KLF7: variants seen among roughly 807,000 people sequenced by gnomAD.
The protein encoded by KLF7 is KLF transcription factor 7.
KLF7 carries 2 observed loss-of-function variants against 27.3 expected under a neutral mutation model. That is an observed-to-expected ratio of 0.07 (90% CI 0.03 to 0.23). The LOEUF is 0.23. Among genes scored for constraint, KLF7 ranks in the 10% least tolerant of loss-of-function variants. The pLI is 1.00. For missense variants in KLF7, 221 were observed against 394.1 expected (o/e 0.56, Z 3.72); for synonymous variants, 165 against 162.4 (o/e 1.02, Z -0.12).
chr2:207,123,171 C>T (rs1323343207), intron 2 of KLF7, among the ~76,000 whole-genome samples: 1 of 152,066 alleles, frequency 6.6e-6, no homozygotes, highest in Non-Finnish European at 1.5e-5. Context: ...ATCACTTTAG[C>T]AACTTCTCAG....
At chr2:207,154,842 A>G (rs1401192087) in intron 1 of KLF7, among the ~76,000 whole-genome samples, 1 of 152,170 alleles carries the variant, frequency 6.6e-6, no homozygotes, top group African/African-American at 2.4e-5. Context: ...CAAATCCTTC[A>G]TGTAATTTGT....
rs530382438 is a variant in KLF7 at position 207,097,670 on chromosome 2, T to C, written c.734-9089A>G. ...AGTGTTAGATTCTTGGTGAATTTGT[T>C]TGAAATGTTGGAGGAAGACTGTGTT... On this transcript the variant is annotated intron_variant, in intron 2 of 3. Transcript: ENST00000309446. Among the ~76,000 whole-genome samples, 8 of 152,322 alleles carry C rather than the reference T, an allele frequency of 5.3e-5. No homozygotes were observed. In the South Asian group the frequency reaches 1.0e-3, roughly 20 times the overall value.
chr2:207,142,360 T>C (rs1420656078), intron 1 of KLF7, among the ~76,000 whole-genome samples: 1 of 152,218 alleles, frequency 6.6e-6, no homozygotes, highest in Non-Finnish European at 1.5e-5. Context: ...GTCTGTTATC[T>C]TGTACTTCTT....
chr2:207,126,583 G>A (rs1466928389), intron 1 of KLF7, among the ~76,000 whole-genome samples: 2 of 152,178 alleles, frequency 1.3e-5, no homozygotes, highest in East Asian at 1.9e-4. Flanking sequence ...TTGAGACACA[G>A]ATATGTTTTA....
intron 1 of KLF7, among the ~76,000 whole-genome samples, chr2:207,143,329 G>A (rs573896486): frequency 7.3e-5 from 11 of 149,772 alleles, no homozygotes; most frequent in African/African-American, 2.7e-4. Flanking sequence ...ATCTTCACAC[G>A]TAAAGTTTAA....
chr2:207,156,289 T>A (rs559509189), intron 1 of KLF7, among the ~76,000 whole-genome samples: 1 of 152,336 alleles, frequency 6.6e-6, no homozygotes, highest in East Asian at 1.9e-4. Context: ...CTTCTATGGG[T>A]GTGAAGGCAG....
chr2:207,099,439 A>T (rs1345995186), intron 2 of KLF7, among the ~76,000 whole-genome samples: 3 of 151,628 alleles, frequency 2.0e-5, no homozygotes, highest in Non-Finnish European at 4.4e-5. Flanking sequence ...ACAATGTCTA[A>T]TTTACTTTCC....
At chr2:207,124,504 G>A (rs775178104) in intron 1 of KLF7, 100 bp from the exon 2 acceptor site, 88 of 1,202,006 alleles carry the variant, frequency 7.3e-5, no homozygotes, top group Non-Finnish European at 9.5e-5. Context: ...AGAGAGAATG[G>A]TGTCATGGCT....
chr2:207,092,757 G>A (rs1460247550), intron 2 of KLF7, among the ~76,000 whole-genome samples: 1 of 152,154 alleles, frequency 6.6e-6, no homozygotes, highest in African/African-American at 2.4e-5. Context: ...AATACTTTTT[G>A]AGCATGCATC....
intron 1 of KLF7, among the ~76,000 whole-genome samples, chr2:207,149,871 T>A (rs1323078175): frequency 6.6e-6 from 1 of 152,206 alleles, no homozygotes; most frequent in African/African-American, 2.4e-5. Flanking sequence ...CTGACCCCAG[T>A]GTGCCATAAA....
intron 1 of KLF7, among the ~76,000 whole-genome samples, chr2:207,131,326 C>T (rs1233705188): frequency 6.6e-6 from 1 of 152,218 alleles, no homozygotes; most frequent in Non-Finnish European, 1.5e-5. Flanking sequence ...GTTTTTGTCA[C>T]ATGCTATTAA....
chr2:207,109,894 C>G (rs2076981140), intron 2 of KLF7: 1 of 154,838 alleles, frequency 6.5e-6, no homozygotes, highest in Non-Finnish European at 1.5e-5. Flanking sequence ...TAATGGCAAT[C>G]TCTTCAAGTG....
At chr2:207,148,190 T>G (rs1214306722) in intron 1 of KLF7, among the ~76,000 whole-genome samples, 1 of 152,206 alleles carries the variant, frequency 6.6e-6, no homozygotes, top group East Asian at 1.9e-4. Flanking sequence ...TTTTGTCACA[T>G]TCCTGATCCC....
At chr2:207,140,338 A>G (rs1006196080) in intron 1 of KLF7, among the ~76,000 whole-genome samples, 3 of 152,224 alleles carry the variant, frequency 2.0e-5, no homozygotes, top group Non-Finnish European at 4.4e-5. Flanking sequence ...ATTTTAAAAA[A>G]CATTTTCTAA....
chr2:207,101,569 G>A (rs1040880505), intron 2 of KLF7, among the ~76,000 whole-genome samples: 2 of 152,160 alleles, frequency 1.3e-5, no homozygotes, highest in Non-Finnish European at 2.9e-5. Flanking sequence ...AGTATGTGAG[G>A]AGGACCCTTA....
chr2:207,108,849 C>A (rs1329075222), intron 2 of KLF7, among the ~76,000 whole-genome samples: 1 of 152,188 alleles, frequency 6.6e-6, no homozygotes, highest in Non-Finnish European at 1.5e-5. Flanking sequence ...GAATTCCACA[C>A]TTATCATACA....
chr2:207,089,125 T>G (rs1559112293), intron 2 of KLF7, among the ~76,000 whole-genome samples: 1 of 152,178 alleles, frequency 6.6e-6, no homozygotes, highest in East Asian at 1.9e-4. Context: ...TTCCTTCCAG[T>G]AAATGTGATG....
chr2:207,115,069 T>C (rs1399645610), intron 2 of KLF7, among the ~76,000 whole-genome samples: 1 of 151,640 alleles, frequency 6.6e-6, no homozygotes, highest in Non-Finnish European at 1.5e-5. Context: ...GTTTAGAATA[T>C]AAAAGGAGTT....
intron 1 of KLF7, among the ~76,000 whole-genome samples, chr2:207,136,831 A>G (rs1342569220): frequency 6.6e-6 from 1 of 152,080 alleles, no homozygotes; most frequent in Non-Finnish European, 1.5e-5. Context: ...CAGAAAATCT[A>G]TCCTAAAATG....
Sources: allele counts gnomAD v4.1 joint callset (sites outside exome capture counted in the v4.1 genomes callset), GRCh38; gene constraint gnomAD v4.1.1; transcripts MANE v1.5; gene names NCBI Gene and HGNC (gene_info 2026-07-23, HGNC 2026-07-21).